The following AKAP6 variants were observed in gnomAD, a reference collection of about 807,000 sequenced individuals.
AKAP6 encodes the protein A-kinase anchoring protein 6, also known as A-kinase anchor protein 6.
A neutral mutation model predicts 188.5 loss-of-function variants in AKAP6; 58 were observed. The observed-to-expected ratio is 0.31, with a 90% CI of 0.25 to 0.38. The LOEUF (loss-of-function observed/expected upper bound fraction) is 0.38. Ranked by LOEUF, AKAP6 falls within the 10% of genes least tolerant of loss-of-function variation. The pLI, the probability that AKAP6 is intolerant of heterozygous loss-of-function variation, is 1.00. For missense variants in AKAP6, 2,710 were observed against 2,740.0 expected (o/e 0.99, Z 0.24); for synonymous variants, 989 against 998.6 (o/e 0.99, Z 0.18).
chr14:32,341,583 T>C (rs1335534103), intron 1 of AKAP6, among the ~76,000 whole-genome samples: 1 of 152,210 alleles, frequency 6.6e-6, no homozygotes, highest in East Asian at 1.9e-4. Context: ...TCTGCTTCTA[T>C]ACTGCCAACA....
chr14:32,603,607 A>G (rs1345031064), intron 7 of AKAP6, among the ~76,000 whole-genome samples: 1 of 152,164 alleles, frequency 6.6e-6, no homozygotes, highest in Non-Finnish European at 1.5e-5. Flanking sequence ...AACCTCTATA[A>G]TAGGCACCAA....
intron 2 of AKAP6, among the ~76,000 whole-genome samples, chr14:32,500,783 G>C (rs952574950): frequency 6.6e-6 from 1 of 152,088 alleles, no homozygotes; most frequent in African/African-American, 2.4e-5. Flanking sequence ...GATGTTTCTA[G>C]TGTCTACAGG....
At chr14:32,440,520 T>A (rs781763594) in intron 2 of AKAP6, among the ~76,000 whole-genome samples, 2 of 152,068 alleles carry the variant, frequency 1.3e-5, no homozygotes, top group Non-Finnish European at 2.9e-5. Flanking sequence ...TTCTTGGTCA[T>A]GGTGTAAAAA....
At chr14:32,799,602 A>G (rs1215264773) in intron 12 of AKAP6, among the ~76,000 whole-genome samples, 2 of 152,068 alleles carry the variant, frequency 1.3e-5, no homozygotes, top group Non-Finnish European at 2.9e-5. Flanking sequence ...TTATTTCTCA[A>G]TATTTGGGAA....
chr14:32,476,993 A>T (rs145761866), intron 2 of AKAP6, among the ~76,000 whole-genome samples: 1 of 152,198 alleles, frequency 6.6e-6, no homozygotes, highest in Non-Finnish European at 1.5e-5. Context: ...CCTGATTTGC[A>T]ATTGGTTAAG....
At chr14:32,531,198 C>A (rs933218109) in intron 2 of AKAP6, among the ~76,000 whole-genome samples, 1 of 152,186 alleles carries the variant, frequency 6.6e-6, no homozygotes, top group African/African-American at 2.4e-5. Context: ...CACATTAGCA[C>A]AGTAATATCT....
intron 7 of AKAP6, among the ~76,000 whole-genome samples, chr14:32,619,167 A>G (rs184480945): frequency 5.3e-5 from 8 of 151,198 alleles, no homozygotes; most frequent in South Asian, 2.1e-4. Context: ...TTTGCTCTAC[A>G]GGAGCTCTTT....
At chr14:32,637,218 C>T (rs1887534788) in intron 7 of AKAP6, among the ~76,000 whole-genome samples, 1 of 152,038 alleles carries the variant, frequency 6.6e-6, no homozygotes, top group Admixed American at 6.6e-5. Context: ...TATGATATGT[C>T]ATAATACATC....
chr14:32,678,312 C>A lies in AKAP6; in HGVS notation c.2732C>A (p.Ala911Asp). ...ATTTCTCTTTGTTTCTCTTTCCAGGCTGAGGTTCAACTATGCTACCTGGAA... is the reference window on the plus strand; with the variant it reads ...ATTTCTCTTTGTTTCTCTTTCCAGGATGAGGTTCAACTATGCTACCTGGAA... ...EDEEGTGSPK[A>D]EVQLCYLEAQ... Residue 911 changes from alanine (A) to aspartate (D), a missense_variant and splice_region_variant, in exon 8 of 14, where the codon GCT (alanine) becomes GAT (aspartate). Transcript: ENST00000280979. 1 of 1,605,632 alleles carries A rather than the reference C, an allele frequency of 6.2e-7. No individual in the cohort carries two copies. The highest frequency in any genetic ancestry group is 8.5e-7 in the Non-Finnish European group (1 of 1,173,558).
chr14:32,633,592 A>AGCTCT (rs1477299131), intron 7 of AKAP6, among the ~76,000 whole-genome samples: 37 of 152,208 alleles, frequency 2.4e-4, no homozygotes, highest in African/African-American at 7.5e-4. Flanking sequence ...TGTCTCCGCT[A>AGCTCT]GCTCTCTGGC....
intron 12 of AKAP6, among the ~76,000 whole-genome samples, chr14:32,805,681 ATTT>A (rs1021038444): frequency 6.6e-6 from 1 of 152,134 alleles, no homozygotes; most frequent in African/African-American, 2.4e-5. Flanking sequence ...GGGTCAAATA[ATTT>A]TCTTATCCCT....
At chr14:32,760,414 A>G (rs1175649289) in intron 11 of AKAP6, among the ~76,000 whole-genome samples, 2 of 152,254 alleles carry the variant, frequency 1.3e-5, no homozygotes, top group African/African-American at 4.8e-5. Flanking sequence ...TATGGAGGGC[A>G]CATAGAAGTT....
rs1419419383 is a variant in AKAP6 at position 32,824,012 on chromosome 14, G to A, written c.6199G>A (p.Ala2067Thr). ...HNFVKEIIDM[A>T]STALKSKSQP... Reference sequence around the variant, plus strand: ...CTTTGTTAAGGAAATCATTGACATGGCTTCGACAGCCCTAAAAAGTAAATC... The same window carrying A: ...CTTTGTTAAGGAAATCATTGACATGACTTCGACAGCCCTAAAAAGTAAATC... The change falls in exon 13 of 14, where the codon GCT becomes ACT. Residue 2067 changes from alanine (A) to threonine (T), a missense_variant. By Grantham distance (58) the Ala-to-Thr change is moderately conservative (BLOSUM62 0). Coordinates refer to ENST00000280979, the MANE Select transcript of AKAP6 (RefSeq NM_004274.5). The A allele has an allele frequency of 1.2e-6, 2 of 1,613,878 alleles. No individual in the cohort carries two copies. Among genetic ancestry groups the A allele is most frequent in the Admixed American group, 1.7e-5 (1 of 59,926 alleles).
In AKAP6 at chr14:32,518,952, C is replaced by T. The variant is rs188067553; in HGVS notation, c.325-16602C>T. Among the ~76,000 whole-genome samples the T allele has an allele frequency of 2.9e-3, 442 of 152,292 alleles. 10 individuals are homozygous for T. Among genetic ancestry groups the T allele is most frequent in the East Asian group, 2.3e-3 (12 of 5,186 alleles). On this transcript the variant is annotated intron_variant, in intron 2 of 13. Coordinates refer to ENST00000280979, the MANE Select transcript of AKAP6 (RefSeq NM_004274.5). The stretch of plus-strand genomic sequence containing the variant: ...GTTAAGGGCAGCCAGAGAGAAAGGT[C>T]GGGTTACCCACAAAGGGAAGCCCAT...
chr14:32,554,384 T>A (rs1035070838), intron 4 of AKAP6, among the ~76,000 whole-genome samples: 1 of 152,228 alleles, frequency 6.6e-6, no homozygotes, highest in Non-Finnish European at 1.5e-5. Flanking sequence ...CTGAAGTAGA[T>A]TCTTTCATTT....
intron 12 of AKAP6, among the ~76,000 whole-genome samples, chr14:32,786,151 C>T (rs778981625): frequency 3.9e-5 from 6 of 152,030 alleles, no homozygotes; most frequent in South Asian, 2.1e-4. Flanking sequence ...ATGCCAGCAG[C>T]GTCCCCATTG....
intron 11 of AKAP6, among the ~76,000 whole-genome samples, chr14:32,747,583 C>T (rs1015734170): frequency 1.3e-5 from 2 of 152,112 alleles, no homozygotes; most frequent in Admixed American, 6.6e-5. Flanking sequence ...ATTAAAAACC[C>T]GTCACCTAAC....
At chr14:32,511,024 T>C (rs1328936462) in intron 2 of AKAP6, among the ~76,000 whole-genome samples, 1 of 152,180 alleles carries the variant, frequency 6.6e-6, no homozygotes, top group African/African-American at 2.4e-5. Context: ...TGTTAGAACA[T>C]TGTTGACATT....
intron 9 of AKAP6, among the ~76,000 whole-genome samples, chr14:32,729,527 T>C (rs1333033135): frequency 6.6e-6 from 1 of 152,160 alleles, no homozygotes; most frequent in Non-Finnish European, 1.5e-5. Context: ...AACTCCTTTT[T>C]TTAAAAGTTT....
Sources: allele counts gnomAD v4.1 joint callset (sites outside exome capture counted in the v4.1 genomes callset), GRCh38; gene constraint gnomAD v4.1.1; transcripts MANE v1.5; gene names NCBI Gene and HGNC (gene_info 2026-07-23, HGNC 2026-07-21).